Variants in ZC3H14 observed in about 807,000 individuals in gnomAD.
The protein encoded by ZC3H14 is zinc finger CCCH-type containing 14.
ZC3H14 carries 31 observed loss-of-function variants against 92.4 expected under a neutral mutation model. The observed-to-expected ratio is 0.34, with a 90% CI of 0.25 to 0.45. ZC3H14 has a LOEUF of 0.45. ZC3H14 is among the 20% of genes least tolerant of loss of function. ZC3H14 has a pLI of 1.00. For missense variants in ZC3H14, 781 were observed against 897.3 expected (o/e 0.87, Z 1.66); for synonymous variants, 321 against 300.9 (o/e 1.07, Z -0.69).
In ZC3H14 at chr14:88,616,037, A is replaced by G. The variant is rs1211329244; in HGVS notation, c.*4286A>G. 7.6e-7 allele frequency: 1 copy of G among 1,322,354 alleles called. No individual in the cohort carries two copies. The highest frequency in any genetic ancestry group is 2.3e-5 in the East Asian group (1 of 42,950). The allele number at this position is 1,322,354 out of a possible 1,614,324, so 81.9% of individuals were successfully genotyped here. ...CCATCTGGTTATACTACCTTCTACT[A>G]ATGTTGACTAGCTGATTTCATAAAC... is the stretch of plus-strand genomic sequence containing the variant. On this transcript the variant is annotated 3_prime_UTR_variant, in exon 17 of 17. Transcript: ENST00000251038.
chr14:88,593,455 A>G (rs1243384038), intron 9 of ZC3H14, among the ~76,000 whole-genome samples: 1 of 152,220 alleles, frequency 6.6e-6, no homozygotes, highest in African/African-American at 2.4e-5. Flanking sequence ...TGGCAAGGTT[A>G]TGTTGCTTGA....
intron 8 of ZC3H14, 71 bp from the exon 9 acceptor site, chr14:88,577,914 G>T: frequency 6.3e-7 from 1 of 1,584,324 alleles, no homozygotes; most frequent in Admixed American, 1.7e-5. Context: ...TATTTAATAT[G>T]ACATAGTCAC....
In ZC3H14 at chr14:88,622,418, T is replaced by C. The variant is rs114989285; in HGVS notation, c.*10667T>C. The C allele has an allele frequency of 5.3e-3, 2,369 of 445,956 alleles. 40 individuals carry two copies. Among genetic ancestry groups the C allele is most frequent in the African/African-American group, 0.044 (2,172 of 49,714 alleles). 27.6% of individuals were successfully genotyped at this position (445,956 alleles called of 1,614,324 possible). A position where few individuals can be genotyped will look rare whatever the true frequency, so the allele number is the denominator to read the frequency against. On this transcript the variant is annotated 3_prime_UTR_variant, in exon 17 of 17. Transcript: ENST00000251038. The stretch of plus-strand genomic sequence containing the variant: ...ACAGTATTTAGACAGAATAGCTTCC[T>C]AGCTTATGCACCACACTGGTGCTAA...
At chr14:88,571,053 G>A in intron 3 of ZC3H14, 31 bp from the exon 4 acceptor site, 1 of 1,515,930 alleles carries the variant, frequency 6.6e-7, no homozygotes, top group Non-Finnish European at 8.9e-7. Context: ...TTAACAGAAG[G>A]TTTATTTTTG....
intron 9 of ZC3H14, among the ~76,000 whole-genome samples, chr14:88,580,611 T>C (rs2081797527): frequency 6.6e-6 from 1 of 152,214 alleles, no homozygotes; most frequent in African/African-American, 2.4e-5. Context: ...TACAGTGTTT[T>C]TATAGTAGGA....
intron 15 of ZC3H14, among the ~76,000 whole-genome samples, chr14:88,610,409 G>T (rs767412308): frequency 6.6e-6 from 1 of 152,080 alleles, no homozygotes. Flanking sequence ...GTGTCTCAAG[G>T]TTAAGTCCAT....
Position 88,563,168 on chromosome 14 carries a change from G to C in ZC3H14, c.35G>C (p.Arg12Pro). 6.2e-7 allele frequency: 1 copy of C among 1,604,326 alleles called. No homozygotes were observed. The highest frequency in any genetic ancestry group is 8.5e-7 in the Non-Finnish European group (1 of 1,177,158). ...GGCACCGAGATCAGCCGCAAGATCC[G>C]GGTGAGGCCCGTGCCGGTCGGGGGT... ...EIGTEISRKI[R>P]SAIKGKLQEL... The change falls in exon 1 of 17, where the codon CGG (arginine) becomes CCG (proline). Residue 12 changes from arginine (R) to proline (P), a missense_variant and splice_region_variant. Coordinates refer to ENST00000251038, the MANE Select transcript of ZC3H14 (RefSeq NM_024824.5).
intron 12 of ZC3H14, 92 bp from the exon 13 acceptor site, chr14:88,607,151 T>A: frequency 1.3e-6 from 2 of 1,586,966 alleles, no homozygotes; most frequent in Non-Finnish European, 1.7e-6. Context: ...AACAGAAGAT[T>A]CTAAGACAGG....
At chr14:88,579,991 C>T (rs2081683595) in intron 9 of ZC3H14, among the ~76,000 whole-genome samples, 1 of 152,132 alleles carries the variant, frequency 6.6e-6, no homozygotes. Context: ...GCAGGAGGAT[C>T]ACTTGAGACT....
At chr14:88,611,670 T>A in intron 16 of ZC3H14, 75 bp from the exon 17 acceptor site, 1 of 1,581,866 alleles carries the variant, frequency 6.3e-7, no homozygotes, top group Non-Finnish European at 8.7e-7. Flanking sequence ...ACTAGTCAAC[T>A]TTTTAAACTG....
chr14:88,612,487 C>T lies in ZC3H14; in HGVS notation c.*736C>T, dbSNP rs1164526416. The T allele has an allele frequency of 6.6e-6, 1 of 152,234 alleles. No homozygotes were observed. Among genetic ancestry groups the T allele is most frequent in the Admixed American group, 6.6e-5 (1 of 15,262 alleles). 9.4% of individuals were successfully genotyped at this position (152,234 alleles called of 1,614,324 possible). On this transcript the variant is annotated 3_prime_UTR_variant, in exon 17 of 17. Transcript: ENST00000251038. ...CCTTCTAAATAATTTTTTTGGGAAA[C>T]TACATTATCACAAAATTATACAAAT...
intron 9 of ZC3H14, among the ~76,000 whole-genome samples, chr14:88,585,994 CCT>C (rs1221593964): frequency 6.6e-6 from 1 of 151,958 alleles, no homozygotes; most frequent in African/African-American, 2.4e-5. Context: ...ATGGTGAAAC[CCT>C]GTCTCTACTA....
intron 1 of ZC3H14, 107 bp downstream of exon 1, chr14:88,563,276 G>C: frequency 1.3e-6 from 2 of 1,538,668 alleles, no homozygotes; most frequent in South Asian, 1.2e-5. Context: ...CCTGGCCTCC[G>C]CTGGACGCTC....
In ZC3H14 at chr14:88,621,699, A is replaced by G. The variant is rs910789601; in HGVS notation, c.*9948A>G. ...CTACAATTTAATATGCAGGCTGAAG[A>G]TAATATCCGTATGATTTATAAATAC... On this transcript the variant is annotated 3_prime_UTR_variant, in exon 17 of 17. Coordinates refer to ENST00000251038, the MANE Select transcript of ZC3H14 (RefSeq NM_024824.5). The G allele has an allele frequency of 1.1e-5, 3 of 285,000 alleles. No individual in the cohort carries two copies. The highest frequency in any genetic ancestry group is 6.6e-5 in the African/African-American group (3 of 45,566). 17.7% of individuals were successfully genotyped at this position (285,000 alleles called of 1,614,324 possible). A position where few individuals can be genotyped will look rare whatever the true frequency, so the allele number is the denominator to read the frequency against.
intron 9 of ZC3H14, chr14:88,590,384 G>A (rs1484024279): frequency 6.5e-6 from 1 of 153,264 alleles, no homozygotes; most frequent in Admixed American, 6.5e-5. Context: ...GCCTCCCTCT[G>A]CTCTGGCTCC....
chr14:88,565,636 A>G (rs2079470968), intron 2 of ZC3H14, among the ~76,000 whole-genome samples: 1 of 152,154 alleles, frequency 6.6e-6, no homozygotes, highest in Non-Finnish European at 1.5e-5. Context: ...CAGTTCAAAA[A>G]GGTCATTGAC....
intron 15 of ZC3H14, among the ~76,000 whole-genome samples, chr14:88,610,204 A>G (rs2086346669): frequency 6.6e-6 from 1 of 152,160 alleles, no homozygotes; most frequent in African/African-American, 2.4e-5. Flanking sequence ...CCAGATGTTT[A>G]GTTGGTCAAA....
intron 13 of ZC3H14, chr14:88,608,914 GTC>G (rs991154466): frequency 3.5e-6 from 1 of 284,510 alleles, no homozygotes; most frequent in African/African-American, 2.3e-5. Context: ...TATGGGATGA[GTC>G]TTTTTGTATC....
At chr14:88,576,734 G>A (rs762118314) in intron 8 of ZC3H14, among the ~76,000 whole-genome samples, 1 of 152,034 alleles carries the variant, frequency 6.6e-6, no homozygotes, top group African/African-American at 2.4e-5. Context: ...CCACTCTCTC[G>A]CTTTTTTTTG....
Sources: allele counts gnomAD v4.1 joint callset (sites outside exome capture counted in the v4.1 genomes callset), GRCh38; gene constraint gnomAD v4.1.1; transcripts MANE v1.5; gene names NCBI Gene and HGNC (gene_info 2026-07-23, HGNC 2026-07-21).